The following DOCK8 variants were observed in gnomAD, a reference collection of about 807,000 sequenced individuals.
The protein encoded by DOCK8 is dedicator of cytokinesis 8.
A neutral mutation model predicts 245.6 loss-of-function variants in DOCK8; 141 were observed. That is an observed-to-expected ratio of 0.57 (90% confidence interval 0.50 to 0.66). DOCK8 has a LOEUF of 0.66. Among genes scored for constraint, DOCK8 ranks in the 30% least tolerant of loss-of-function variants. The pLI is 0.00. For synonymous variants in DOCK8, 1,168 were observed against 970.2 expected (o/e 1.20, Z -3.79); for missense variants, 2,965 against 2,603.4 (o/e 1.14, Z -3.02).
At chr9:276,665 A>G (rs1028479966) in intron 2 of DOCK8, among the ~76,000 whole-genome samples, 1 of 151,806 alleles carries the variant, frequency 6.6e-6, no homozygotes, top group South Asian at 2.1e-4. Flanking sequence ...AGACTCACTT[A>G]TTGGCTTTGG....
chr9:330,623 C>A (rs925626104), intron 9 of DOCK8, among the ~76,000 whole-genome samples: 19 of 152,090 alleles, frequency 1.2e-4, no homozygotes, highest in African/African-American at 4.3e-4. Context: ...ACCTGACATA[C>A]CATAATTAGG....
At chr9:355,670 A>T (rs2052404943) in intron 14 of DOCK8, among the ~76,000 whole-genome samples, 1 of 152,194 alleles carries the variant, frequency 6.6e-6, no homozygotes, top group Non-Finnish European at 1.5e-5. Flanking sequence ...TAGAAAGCAG[A>T]TTCTCTGCAT....
intron 1 of DOCK8, among the ~76,000 whole-genome samples, chr9:235,756 C>T (rs912252904): frequency 2.0e-5 from 3 of 152,138 alleles, no homozygotes; most frequent in East Asian, 1.9e-4. Flanking sequence ...GTTGGAAAAG[C>T]GCAGTATTAG....
intron 14 of DOCK8, chr9:365,764 C>T (rs999277849): frequency 2.9e-5 from 12 of 412,546 alleles, no homozygotes; most frequent in South Asian, 5.3e-5. Context: ...CCCTCAATCC[C>T]GCTTAACAGA....
At chr9:251,371 AT>A (rs148951112) in intron 1 of DOCK8, among the ~76,000 whole-genome samples, 6,584 of 152,290 alleles carry the variant, frequency 0.043, 188 homozygotes, top group South Asian at 0.068. Flanking sequence ...TTTGGAACGT[AT>A]TCCAGGACTA....
At chr9:284,356 C>T (rs1162080943) in intron 2 of DOCK8, 2 of 152,222 alleles carry the variant, frequency 1.3e-5, no homozygotes, top group African/African-American at 4.8e-5. Context: ...CCTCATGGTT[C>T]CTGTTGTTTC....
chr9:305,926 C>T (rs2049806817), intron 5 of DOCK8, among the ~76,000 whole-genome samples: 1 of 151,996 alleles, frequency 6.6e-6, no homozygotes, highest in Admixed American at 6.6e-5. Flanking sequence ...TCGCCAGGGG[C>T]TGGGGGAGGG....
chr9:405,933 C>T (rs989225094), intron 27 of DOCK8, among the ~76,000 whole-genome samples: 6 of 152,078 alleles, frequency 3.9e-5, no homozygotes, highest in African/African-American at 1.4e-4. Flanking sequence ...CCTAAAACTT[C>T]CCTGGACTAA....
chr9:234,704 C>G (rs1051128122), intron 1 of DOCK8, among the ~76,000 whole-genome samples: 18 of 152,190 alleles, frequency 1.2e-4, no homozygotes, highest in African/African-American at 4.3e-4. Context: ...ACTGAGGCTT[C>G]TGCATTCATC....
chr9:396,365 AAGACTTT>A (rs2054455547), intron 24 of DOCK8, among the ~76,000 whole-genome samples: 1 of 152,196 alleles, frequency 6.6e-6, no homozygotes, highest in Admixed American at 6.5e-5. Context: ...AGGAACAGAA[AAGACTTT>A]AGTTCGCATC....
In DOCK8 at chr9:289,557, G is replaced by A. The variant is rs150742426; in HGVS notation, c.380G>A (p.Arg127His). The change falls in exon 4 of 48, where the codon CGT becomes CAT. Residue 127 changes from arginine to histidine, a missense_variant. This residue lies in a region of DOCK8 where 2,825 missense variants were observed against 2,453.5 expected (regional missense o/e 1.15). Transcript: ENST00000432829. ...HVRDCVQTYI[R>H]EWLIVNRKNQ... ...AGGGACTGTGTTCAGACCTACATCC[G>A]TGAGTGGCTAATCGTGAACCGGAAG... is the stretch of plus-strand genomic sequence containing the variant. 4,663 of 1,612,154 alleles carry A rather than the reference G, an allele frequency of 2.9e-3. 14 individuals are homozygous for A. The highest frequency in any genetic ancestry group is 3.7e-3 in the Non-Finnish European group (4,335 of 1,178,972).
chr9:368,808 C>G (rs1196311428), intron 15 of DOCK8: 1 of 135,998 alleles, frequency 7.4e-6, no homozygotes, highest in Non-Finnish European at 1.5e-5. Flanking sequence ...ATATAACTTT[C>G]TTTCTTTTTT....
At chr9:302,226 T>A (rs12345855) in intron 4 of DOCK8, among the ~76,000 whole-genome samples, 4,004 of 152,208 alleles carry the variant, frequency 0.026, 165 homozygotes, top group African/African-American at 0.09. Context: ...TTTGACGAAG[T>A]TGACAATAAC....
intron 14 of DOCK8, among the ~76,000 whole-genome samples, chr9:355,377 G>C (rs2052386754): frequency 6.6e-6 from 1 of 151,576 alleles, no homozygotes; most frequent in Non-Finnish European, 1.5e-5. Context: ...CTTATTTTTT[G>C]TATTTTAGTA....
intron 5 of DOCK8, among the ~76,000 whole-genome samples, chr9:305,086 A>G (rs917487016): frequency 1.4e-4 from 22 of 152,026 alleles, no homozygotes; most frequent in African/African-American, 5.3e-4. Flanking sequence ...CCATGTACTA[A>G]CTCTCTAACT....
chr9:235,873 T>C (rs2047233598), intron 1 of DOCK8, among the ~76,000 whole-genome samples: 1 of 152,216 alleles, frequency 6.6e-6, no homozygotes, highest in African/African-American at 2.4e-5. Flanking sequence ...TGCCTTGCCC[T>C]GCTTCGGCTC....
chr9:319,130 C>G (rs1277697488), intron 7 of DOCK8, among the ~76,000 whole-genome samples: 1 of 152,046 alleles, frequency 6.6e-6, no homozygotes, highest in Admixed American at 6.6e-5. Flanking sequence ...GACCCCCTCT[C>G]TACCAAAAAC....
chr9:334,539 C>T (rs1448076883), intron 11 of DOCK8, among the ~76,000 whole-genome samples, 155 bp downstream of exon 11: 5 of 152,096 alleles, frequency 3.3e-5, no homozygotes, highest in Admixed American at 6.6e-5. Flanking sequence ...GACTGGATTA[C>T]GTAGATTTGG....
At position 339,053 on chromosome 9, in the gene DOCK8, C is replaced by G. The variant is rs778558514; in HGVS notation, c.1470C>G (p.Asp490Glu). The G allele has an allele frequency of 3.1e-6, 5 of 1,614,010 alleles. No homozygotes were observed. Among genetic ancestry groups the G allele is most frequent in the Non-Finnish European group, 8.5e-7 (1 of 1,180,022 alleles). ...AAGACTTATTCAAGTTTTTAGCTGA[C>G]TACAAAAGATCATCATCCTTACAGA... ...SDEDLFKFLADYKRSSSLQRR... is the reference protein window; with the variant it reads ...SDEDLFKFLAEYKRSSSLQRR... Residue 490 changes from aspartate (D) to glutamate (E), a missense_variant, in exon 13 of 48, where the codon GAC (aspartate) becomes GAG (glutamate). Physicochemically the swap from Asp to Glu is conservative, Grantham distance 45. This residue lies in a region of DOCK8 where 2,825 missense variants were observed against 2,453.5 expected (regional missense o/e 1.15). Transcript: ENST00000432829.
Sources: gnomAD v4.1 joint callset for allele counts (sites outside exome capture counted in the v4.1 genomes callset) on GRCh38, gnomAD v4.1.1 for gene constraint, gnomAD v4.1.1 regional missense constraint, MANE v1.5 for transcripts, NCBI Gene and HGNC (gene_info 2026-07-23, HGNC 2026-07-21) for gene names.